Variants in ZIC1 observed in about 807,000 individuals in gnomAD.
ZIC1 encodes Zic family zinc finger 1, also known as zinc finger protein ZIC 1.
In ZIC1, 4 loss-of-function variants were observed where a neutral mutation model predicts 30.9. The observed-to-expected ratio is 0.13, with a 90% confidence interval of 0.06 to 0.30. The LOEUF (loss-of-function observed/expected upper bound fraction) is 0.30, where lower values mean the gene tolerates loss of function less well. Ranked by LOEUF, ZIC1 falls within the 10% of genes least tolerant of loss-of-function variation. The probability of loss-of-function intolerance (pLI) is 1.00; values close to 1 mark genes in which losing one functional copy is unlikely to be tolerated. For synonymous variants in ZIC1, 305 were observed against 277.5 expected, an observed-to-expected ratio of 1.10 and a Z score of -0.98; for missense variants, 441 against 639.3, an observed-to-expected ratio of 0.69 and a Z score of 3.34.
rs1396225379 is a variant in ZIC1, at chr3:147,413,083, A to G, written c.1147-271A>G. Among the ~76,000 whole-genome samples the G allele has an allele frequency of 2.0e-5, 3 of 152,156 alleles. No homozygotes were observed. In the East Asian group the frequency reaches 5.8e-4, roughly 29 times the overall value. ...AAACATGGACAAGCAAAGTTCAGGGAAAGAAAGTGCAGTCTCTGGCCTCAT... is the reference window on the plus strand; with the variant it reads ...AAACATGGACAAGCAAAGTTCAGGGGAAGAAAGTGCAGTCTCTGGCCTCAT... On this transcript the variant is annotated intron_variant, in intron 2 of 2. Coordinates refer to ENST00000282928, the MANE Select transcript of ZIC1 (RefSeq NM_003412.4).
Position 147,409,792 on chromosome 3 carries a change from C to T in ZIC1, c.-321C>T. On this transcript the variant is annotated 5_prime_UTR_variant, in exon 1 of 3. In the 5' UTR this introduces an upstream ATG that the reference lacks. Coordinates refer to ENST00000282928, the MANE Select transcript of ZIC1 (RefSeq NM_003412.4). ...CATGCCTTTCCCCGGGCAGCCTTGA[C>T]GCGCGGCCCTCTCGGCAGAGACTGA... The T allele has an allele frequency of 2.6e-6, 1 of 386,832 alleles. No individual in the cohort carries two copies. 24.0% of individuals were successfully genotyped at this position (386,832 alleles called of 1,614,324 possible).
Position 147,412,561 on chromosome 3 carries a change from C to A in ZIC1, c.1026C>A (p.Arg342=). The A allele has an allele frequency of 6.2e-7, 1 of 1,614,220 alleles. No homozygotes were observed. Among genetic ancestry groups the A allele is most frequent in the Non-Finnish European group, 8.5e-7 (1 of 1,180,034 alleles). The change falls in exon 2 of 3, where the codon CGC becomes CGA. Residue 342 remains arginine (R), a synonymous_variant. Coordinates refer to ENST00000282928, the MANE Select transcript of ZIC1 (RefSeq NM_003412.4). The stretch of plus-strand genomic sequence containing the variant: ...GCGAGTTTGAGGGCTGTGACCGGCG[C>A]TTCGCTAACAGCAGCGACCGCAAGA... ...FKCEFEGCDR[R]FANSSDRKKH...
At position 147,415,133 on chromosome 3, in the gene ZIC1, T is replaced by G. The variant is rs1026541602; in HGVS notation, c.*1582T>G. On this transcript the variant is annotated 3_prime_UTR_variant, in exon 3 of 3. Coordinates refer to ENST00000282928, the MANE Select transcript of ZIC1 (RefSeq NM_003412.4). The stretch of plus-strand genomic sequence containing the variant: ...TTTCACTTATATTCTTCAAACATGA[T>G]GCTAATTTAAATTAATTACTTCCTA... 3.3e-5 allele frequency: 5 copies of G among 152,682 alleles called. No individual in the cohort carries two copies. Among genetic ancestry groups the G allele is most frequent in the African/African-American group, 1.2e-4 (5 of 41,468 alleles). The allele number at this position is 152,682 out of a possible 1,614,324, so 9.5% of individuals were successfully genotyped here.
intron 1 of ZIC1, among the ~76,000 whole-genome samples, chr3:147,411,717 A>G (rs1284898190): frequency 6.6e-6 from 1 of 152,132 alleles, no homozygotes; most frequent in Non-Finnish European, 1.5e-5. Context: ...AGAAAGTCCG[A>G]GGAAGGCAAG....
At position 147,410,374 on chromosome 3, in the gene ZIC1, T is replaced by A; in HGVS notation, c.262T>A (p.Ser88Thr). 6.2e-7 allele frequency: 1 copy of A among 1,601,852 alleles called. No homozygotes were observed. The highest frequency in any genetic ancestry group is 1.7e-4 in the Middle Eastern group (1 of 6,058). ...TCACCATCACCCGGGCCACGTCGGC[T>A]CCTATTCCAGCGCAGCCTTCAACTC... is the stretch of plus-strand genomic sequence containing the variant. ...GHHHHPGHVG[S>T]YSSAAFNSTR... Residue 88 changes from serine (S) to threonine (T), a missense_variant, in exon 1 of 3, where the codon TCC (serine) becomes ACC (threonine). Ser to Thr is a moderately conservative substitution (Grantham distance 58). Around this residue, in one of 5 missense-constraint regions of ZIC1, gnomAD observed 307 missense variants for 355.3 expected, o/e 0.86. Transcript: ENST00000282928.
At chr3:147,412,452 A>G in intron 1 of ZIC1, 66 bp from the exon 2 acceptor site, 1 of 1,577,444 alleles carries the variant, frequency 6.3e-7, no homozygotes, top group Non-Finnish European at 8.6e-7. Flanking sequence ...CTATTTGTTT[A>G]GTTTTTGAAA....
intron 1 of ZIC1, among the ~76,000 whole-genome samples, 176 bp downstream of exon 1, chr3:147,411,270 AACAC>A (rs3832180): frequency 6.6e-6 from 1 of 151,364 alleles, no homozygotes; most frequent in East Asian, 1.9e-4. Flanking sequence ...AATTATGGAA[AACAC>A]ACACACACAC....
rs2087404730 is a variant in ZIC1, at chr3:147,413,761, T to A, written c.*210T>A. ...CCTTTCGCTTTCATTATTTTTCTTT[T>A]TTTGGCAAAGGCTTGGTACCCAAGG... On this transcript the variant is annotated 3_prime_UTR_variant, in exon 3 of 3. Coordinates refer to ENST00000282928, the MANE Select transcript of ZIC1 (RefSeq NM_003412.4). 1 of 600,668 alleles carries A rather than the reference T, an allele frequency of 1.7e-6. No homozygotes were observed. Among genetic ancestry groups the A allele is most frequent in the East Asian group, 3.6e-5 (1 of 27,750 alleles). 37.2% of individuals were successfully genotyped at this position (600,668 alleles called of 1,614,324 possible).
chr3:147,412,359 A>C (rs572542350), intron 1 of ZIC1, among the ~76,000 whole-genome samples, 159 bp from the exon 2 acceptor site: 1 of 152,218 alleles, frequency 6.6e-6, no homozygotes, highest in Non-Finnish European at 1.5e-5. Context: ...TCCACTGCAG[A>C]TGTAAGAATT....
Position 147,413,599 on chromosome 3 carries a change from C to CACACGTAT in ZIC1, c.*53_*60dup, listed in dbSNP as rs2087402977. On this transcript the variant is annotated 3_prime_UTR_variant, in exon 3 of 3. Transcript: ENST00000282928. ...AAAACCCTATTTAAGAGACTGATCA[C>CACACGTAT]ACACGTATACACAACATTACTGAAA... 5 of 1,586,360 alleles carry CACACGTAT rather than the reference C, an allele frequency of 3.2e-6. No individual in the cohort carries two copies. Among genetic ancestry groups the CACACGTAT allele is most frequent in the Non-Finnish European group, 3.4e-6 (4 of 1,160,542 alleles).
In ZIC1 at chr3:147,412,519, G is replaced by T. The variant is rs2087390092; in HGVS notation, c.984G>T (p.Gly328=). The T allele has an allele frequency of 6.2e-7, 1 of 1,613,986 alleles. No homozygotes were observed. The highest frequency in any genetic ancestry group is 8.5e-7 in the Non-Finnish European group (1 of 1,180,026). The part of the protein sequence containing the change: ...NLKIHKRTHT[G]EKPFKCEFEG... Reference sequence around the variant, plus strand: ...CCTCTCATTCTACTTTGGCACCAGGGGAGAAGCCCTTCAAGTGCGAGTTTG... The same window carrying T: ...CCTCTCATTCTACTTTGGCACCAGGTGAGAAGCCCTTCAAGTGCGAGTTTG... The change falls in exon 2 of 3, where the codon GGG becomes GGT. Residue 328 remains glycine (G), a splice_region_variant and synonymous_variant. Coordinates refer to ENST00000282928, the MANE Select transcript of ZIC1 (RefSeq NM_003412.4).
In ZIC1 at chr3:147,410,865, G is replaced by A. The variant is rs2087367573; in HGVS notation, c.753G>A (p.Glu251=). The change falls in exon 1 of 3, where the codon GAG becomes GAA. Residue 251 remains glutamate (E), a synonymous_variant. Transcript: ENST00000282928. The stretch of plus-strand genomic sequence containing the variant: ...ACAAAACTTTCAGCACCATGCACGA[G>A]CTAGTTACGCACGTCACCGTGGAGC... The part of the protein sequence containing the change: ...SCNKTFSTMH[E]LVTHVTVEHV... 1 of 1,614,272 alleles carries A rather than the reference G, an allele frequency of 6.2e-7. No homozygotes were observed. Among genetic ancestry groups the A allele is most frequent in the Non-Finnish European group, 8.5e-7 (1 of 1,180,046 alleles).
Position 147,410,646 on chromosome 3 carries a change from C to T in ZIC1, c.534C>T (p.Tyr178=), listed in dbSNP as rs748094220. The T allele has an allele frequency of 2.5e-6, 4 of 1,613,678 alleles. No individual in the cohort carries two copies. The highest frequency in any genetic ancestry group is 1.7e-5 in the Admixed American group (1 of 60,022). Reference sequence around the variant, plus strand: ...ACATGTACCCGCGACCGGAGCAGTACGGCCAGGTGACCAGCCCGCGTTCGG... The same window carrying T: ...ACATGTACCCGCGACCGGAGCAGTATGGCCAGGTGACCAGCCCGCGTTCGG... ...SGDMYPRPEQ[Y]GQVTSPRSEH... Residue 178 remains tyrosine (Y), a synonymous_variant, in exon 1 of 3, where the codon TAC becomes TAT. Coordinates refer to ENST00000282928, the MANE Select transcript of ZIC1 (RefSeq NM_003412.4).
intron 2 of ZIC1, 139 bp downstream of exon 2, chr3:147,412,820 G>C: frequency 9.3e-7 from 1 of 1,073,044 alleles, no homozygotes; most frequent in Non-Finnish European, 1.3e-6. Context: ...CAGTGGAACT[G>C]GGCAGAGAAG....
intron 1 of ZIC1, among the ~76,000 whole-genome samples, chr3:147,411,389 T>C (rs1209843774): frequency 1.3e-5 from 2 of 152,066 alleles, no homozygotes; most frequent in African/African-American, 4.8e-5. Context: ...CCTTGGTGCT[T>C]TCGAAGCCGG....
At chr3:147,412,732 C>T (rs1340696964) in intron 2 of ZIC1, 51 bp downstream of exon 2, 1 of 1,585,782 alleles carries the variant, frequency 6.3e-7, no homozygotes, top group Admixed American at 1.8e-5. Context: ...TCTCTTGGCT[C>T]TCGGCTTGGG....
Position 147,413,741 on chromosome 3 carries a change from C to G in ZIC1, c.*190C>G, listed in dbSNP as rs556925236. On this transcript the variant is annotated 3_prime_UTR_variant, in exon 3 of 3. Coordinates refer to ENST00000282928, the MANE Select transcript of ZIC1 (RefSeq NM_003412.4). Reference sequence around the variant, plus strand: ...CATCAACCTTTTAAAAATTTCCTTTCGCTTTCATTATTTTTCTTTTTTTGG... The same window carrying G: ...CATCAACCTTTTAAAAATTTCCTTTGGCTTTCATTATTTTTCTTTTTTTGG... The G allele has an allele frequency of 3.0e-6, 2 of 658,186 alleles. No individual in the cohort carries two copies. The highest frequency in any genetic ancestry group is 3.4e-5 in the East Asian group (1 of 29,740). The allele number at this position is 658,186 out of a possible 1,614,324, so 40.8% of individuals were successfully genotyped here.
At position 147,416,120 on chromosome 3, in the gene ZIC1, G is replaced by A. The variant is rs1376668551; in HGVS notation, c.*2569G>A. 6.6e-6 allele frequency: 1 copy of A among 152,212 alleles called. No homozygotes were observed. Among genetic ancestry groups the A allele is most frequent in the East Asian group, 1.9e-4 (1 of 5,200 alleles). 9.4% of individuals were successfully genotyped at this position (152,212 alleles called of 1,614,324 possible). A position where few individuals can be genotyped will look rare whatever the true frequency, so the allele number is the denominator to read the frequency against. On this transcript the variant is annotated 3_prime_UTR_variant, in exon 3 of 3. Coordinates refer to ENST00000282928, the MANE Select transcript of ZIC1 (RefSeq NM_003412.4). ...TGCGAAGCAAAAGCTAGCCCCAATT[G>A]GTTTGGAAGTTTGAAACTGATTAAC...
Position 147,413,863 on chromosome 3 carries a change from G to T in ZIC1, c.*312G>T, listed in dbSNP as rs2087406369. On this transcript the variant is annotated 3_prime_UTR_variant, in exon 3 of 3. Coordinates refer to ENST00000282928, the MANE Select transcript of ZIC1 (RefSeq NM_003412.4). ...CCGAGGGCCAGTTTCTTGTCGAATT[G>T]GTACGGGCTCTCTGGGGCTTCGGCT... The T allele has an allele frequency of 7.8e-6, 2 of 254,926 alleles. No homozygotes were observed. Among genetic ancestry groups the T allele is most frequent in the Non-Finnish European group, 1.5e-5 (2 of 135,922 alleles). The allele number at this position is 254,926 out of a possible 1,614,324, so 15.8% of individuals were successfully genotyped here. A position where few individuals can be genotyped will look rare whatever the true frequency, so the allele number is the denominator to read the frequency against.
Sources: gnomAD v4.1 joint callset for allele counts (sites outside exome capture counted in the v4.1 genomes callset) on GRCh38, gnomAD v4.1.1 for gene constraint, gnomAD v4.1.1 regional missense constraint, MANE v1.5 for transcripts, NCBI Gene and HGNC (gene_info 2026-07-23, HGNC 2026-07-21) for gene names.